CR1: variants seen among roughly 807,000 people sequenced by gnomAD.
CR1 encodes complement receptor type 1.
Under a neutral mutation model 187.3 loss-of-function variants are expected in CR1, and 116 were observed. The observed-to-expected ratio is 0.62, with a 90% confidence interval of 0.53 to 0.72. The LOEUF is 0.72. CR1 is among the 30% of genes least tolerant of loss of function. CR1 has a pLI of 0.00. For missense variants in CR1, 1,731 were observed against 2,110.7 expected (o/e 0.82, Z 3.52); for synonymous variants, 576 against 747.1 (o/e 0.77, Z 3.73).
intron 35 of CR1, among the ~76,000 whole-genome samples, chr1:207,590,340 AT>A (rs1661235010): frequency 6.6e-6 from 1 of 152,224 alleles, no homozygotes; most frequent in Admixed American, 6.5e-5. Flanking sequence ...TCAACCCAGA[AT>A]TTCATATCTA....
Position 207,572,887 on chromosome 1 carries a change from T to C in CR1, c.4452-2708T>C, listed in dbSNP as rs527984339. ...TCTGTCCTCATATGGCCATCTTCCC[T>C]CTGGGTCTGTGTCCTCATATGCTGT... On this transcript the variant is annotated intron_variant, in intron 27 of 46. Coordinates refer to ENST00000367049, the MANE Select transcript of CR1 (RefSeq NM_000651.6). 7.3e-5 allele frequency among the ~76,000 whole-genome samples: 11 copies of C among 150,408 alleles called. 1 individual carries two copies. The East Asian group carries it at 2.1e-3, about 29-fold the overall frequency.
intron 35 of CR1, 53 bp downstream of exon 35, chr1:207,588,827 CT>C: frequency 7.9e-7 from 1 of 1,268,360 alleles, no homozygotes; most frequent in Non-Finnish European, 1.1e-6. Flanking sequence ...GCAGAGCCAA[CT>C]TCTGACCCAG....
At chr1:207,522,855 A>G (rs576994088) in intron 4 of CR1, among the ~76,000 whole-genome samples, 3 of 152,302 alleles carry the variant, frequency 2.0e-5, no homozygotes. Context: ...ATTTTGTTCT[A>G]GTTTATAGCA....
chr1:207,586,339 T>A (rs1190437857), intron 33 of CR1, among the ~76,000 whole-genome samples: 1 of 152,206 alleles, frequency 6.6e-6, no homozygotes, highest in East Asian at 1.9e-4. Context: ...TTTCATCATG[T>A]TGCCCAGGCT....
chr1:207,573,085 G>C (rs1304470974), intron 27 of CR1, among the ~76,000 whole-genome samples: 5 of 151,478 alleles, frequency 3.3e-5, no homozygotes, highest in East Asian at 1.9e-4. Context: ...AGCATACTTG[G>C]GGGGAGACAC....
chr1:207,587,220 T>C (rs1661136409), intron 33 of CR1, among the ~76,000 whole-genome samples, 166 bp from the exon 34 acceptor site: 1 of 152,228 alleles, frequency 6.6e-6, no homozygotes, highest in African/African-American at 2.4e-5. Context: ...AGTAGATGCA[T>C]TGAAGAGCTT....
intron 35 of CR1, among the ~76,000 whole-genome samples, chr1:207,591,116 A>G (rs150793788): frequency 0.013 from 1,970 of 152,298 alleles, 47 homozygotes; most frequent in African/African-American, 0.044. Flanking sequence ...ATAGACATCT[A>G]TAGAACTCTC....
intron 2 of CR1, among the ~76,000 whole-genome samples, 171 bp downstream of exon 2, chr1:207,506,254 C>T (rs182158901): frequency 8.5e-5 from 13 of 152,308 alleles, no homozygotes; most frequent in East Asian, 5.8e-4. Flanking sequence ...GAGTTCCTGG[C>T]GCCTTCATTA....
Position 207,577,915 on chromosome 1 carries a change from A to G in CR1, c.4648A>G (p.Arg1550Gly), listed in dbSNP as rs202070239. The G allele has an allele frequency of 2.8e-3, 4,447 of 1,610,720 alleles. 120 individuals carry two copies. The African/African-American group carries it at 0.048, about 18-fold the overall frequency. ...GACCTACCGCTGCAATCTTGGAAGC[A>G]GAGGGAGAAAGGTGTTTGAGCTTGT... The part of the protein sequence containing the change: ...VVTYRCNLGS[R>G]GRKVFELVGE... The change falls in exon 29 of 47, where the codon AGA becomes GGA. Residue 1550 changes from arginine to glycine, a missense_variant. Physicochemically the swap from Arg to Gly is moderately radical, Grantham distance 125 (BLOSUM62 -2). This residue lies in a region of CR1 where 1,312 missense variants were observed against 1,379.6 expected (regional missense o/e 0.95). Transcript: ENST00000367049.
intron 32 of CR1, among the ~76,000 whole-genome samples, chr1:207,584,005 A>G (rs556630667): frequency 2.6e-5 from 4 of 152,316 alleles, no homozygotes; most frequent in Admixed American, 6.5e-5. Flanking sequence ...TGAAAAAAAT[A>G]AATAAATAAA....
chr1:207,623,447 G>A (rs1212502921), intron 45 of CR1, among the ~76,000 whole-genome samples: 1 of 151,956 alleles, frequency 6.6e-6, no homozygotes, highest in Admixed American at 6.6e-5. Flanking sequence ...GCTGGGCGAG[G>A]TGGGACACAC....
intron 46 of CR1, among the ~76,000 whole-genome samples, chr1:207,637,016 T>C (rs1047675581): frequency 2.6e-5 from 4 of 152,222 alleles, no homozygotes; most frequent in African/African-American, 9.6e-5. Context: ...GAATTTAGGT[T>C]GATAGTATAA....
At chr1:207,578,262 G>C in intron 29 of CR1, 59 bp downstream of exon 29, 1 of 1,611,636 alleles carries the variant, frequency 6.2e-7, no homozygotes, top group Non-Finnish European at 8.5e-7. Flanking sequence ...TGTTGGATCA[G>C]GAGATGAGTA....
chr1:207,518,449 A>C (rs1025770889), intron 4 of CR1, among the ~76,000 whole-genome samples: 1 of 152,206 alleles, frequency 6.6e-6, no homozygotes, highest in African/African-American at 2.4e-5. Context: ...GTTATGGAGA[A>C]GCATGTGTAA....
In CR1 at chr1:207,623,402, T is replaced by C. The variant is rs1049617039; in HGVS notation, c.7352+334T>C. Among the ~76,000 whole-genome samples the C allele has an allele frequency of 2.6e-5, 4 of 152,024 alleles. No homozygotes were observed. In the East Asian group the frequency reaches 7.7e-4, roughly 29 times the overall value. On this transcript the variant is annotated intron_variant, in intron 45 of 46. Transcript: ENST00000367049. ...TTCGAGACCAACTTGGGCAACATGG[T>C]AAAACCCTGTCTCTACTAAACATAC...
intron 4 of CR1, among the ~76,000 whole-genome samples, chr1:207,521,021 C>T (rs1421197023): frequency 8.7e-6 from 1 of 114,998 alleles, no homozygotes; most frequent in Non-Finnish European, 1.6e-5. Context: ...ATCACCTGGG[C>T]TGGAGTGCAG....
chr1:207,638,943 T>G (rs182486878), intron 46 of CR1, among the ~76,000 whole-genome samples: 2 of 152,314 alleles, frequency 1.3e-5, no homozygotes, highest in Non-Finnish European at 2.9e-5. Context: ...GGGGGACAAT[T>G]GTTGTACTGT....
intron 4 of CR1, among the ~76,000 whole-genome samples, chr1:207,521,837 C>CT (rs200281210): frequency 0.14 from 19,185 of 137,548 alleles, 1,668 homozygotes; most frequent in Admixed American, 0.22. Flanking sequence ...TGTATATATA[C>CT]TTTTTTTTTT....
intron 4 of CR1, among the ~76,000 whole-genome samples, chr1:207,517,583 A>C (rs1659845043): frequency 6.6e-6 from 1 of 152,136 alleles, no homozygotes; most frequent in Admixed American, 6.5e-5. Context: ...TTTGTGTAAC[A>C]TTATTTTTCC....
Sources: gnomAD v4.1 joint callset for allele counts (sites outside exome capture counted in the v4.1 genomes callset) on GRCh38, gnomAD v4.1.1 for gene constraint, gnomAD v4.1.1 regional missense constraint, MANE v1.5 for transcripts, NCBI Gene and HGNC (gene_info 2026-07-23, HGNC 2026-07-21) for gene names.